The following FLG variants were observed in gnomAD, a reference collection of about 807,000 sequenced individuals.
FLG encodes the protein filaggrin, also known as epidermal filaggrin.
FLG carries 6 observed loss-of-function variants against 3.8 expected under a neutral mutation model. The observed-to-expected ratio is 1.60, with a 90% CI of 0.87 to 3.15. FLG has a LOEUF of 3.15. Ranked by LOEUF, FLG falls within the 30% of genes most tolerant of loss-of-function variation. The pLI, the probability that FLG is intolerant of heterozygous loss-of-function variation, is 0.00. For missense variants in FLG, 7,595 were observed against 5,050.9 expected, an observed-to-expected ratio of 1.50 and a Z score of -15.27; for synonymous variants, 2,551 against 1,931.6, an observed-to-expected ratio of 1.32 and a Z score of -8.41.
chr1:152,314,521 CTGTTTTCTT>C lies in FLG; in HGVS notation c.356_364del (p.Lys119_Asn121del), dbSNP rs773056944. The C allele has an allele frequency of 3.1e-6, 5 of 1,613,152 alleles. No individual in the cohort carries two copies. The South Asian group carries it at 3.3e-5, about 11-fold the overall frequency. On this transcript the variant is annotated inframe_deletion, in exon 3 of 3. Transcript: ENST00000368799. ...TCTTTCCAGACTTGAGGGTCTTTTT[CTGTTTTCTT>C]TGTTTTCTTCCTGTTTATTATCTTC...
Position 152,311,551 on chromosome 1 carries a change from C to T in FLG, c.3335G>A (p.Gly1112Glu), listed in dbSNP as rs761658353. 1 of 1,613,920 alleles carries T rather than the reference C, an allele frequency of 6.2e-7. No individual in the cohort carries two copies. The highest frequency in any genetic ancestry group is 8.5e-7 in the Non-Finnish European group (1 of 1,179,994). The change falls in exon 3 of 3, where the codon GGA becomes GAA. Residue 1112 changes from glycine to glutamate, a missense_variant. By Grantham distance (98) the Gly-to-Glu change is moderately conservative. Transcript: ENST00000368799. ...SARDWSGGRSGRSGSFIYQVS... is the reference protein window; with the variant it reads ...SARDWSGGRSERSGSFIYQVS... Reference sequence around the variant, plus strand: ...CTGGTAGATGAAAGACCCTGAACGTCCAGACCTTCCCCCTGACCAGTCACG... The same window carrying T: ...CTGGTAGATGAAAGACCCTGAACGTTCAGACCTTCCCCCTGACCAGTCACG...
chr1:152,311,498 C>A lies in FLG; in HGVS notation c.3388G>T (p.Ala1130Ser). 2 of 1,613,614 alleles carry A rather than the reference C, an allele frequency of 1.2e-6. No individual in the cohort carries two copies. Among genetic ancestry groups the A allele is most frequent in the Non-Finnish European group, 1.7e-6 (2 of 1,179,778 alleles). Residue 1130 changes from alanine to serine, a missense_variant, in exon 3 of 3, where the codon GCC becomes TCC. Transcript: ENST00000368799. ...GTGCTGGTCCTGGTCCGCCCATGGG[C>A]AGACTCAGACTGTTCATGAGTGCTC... The part of the protein sequence containing the change: ...QVSTHEQSES[A>S]HGRTRTSTGR...
rs1328967475 is a variant in FLG, at chr1:152,303,289, T to C, written c.11597A>G (p.Asp3866Gly). ...SRRQGSSVSQ[D>G]SDSEAYPEDS... ...CTCTGGGTATGCCTCACTGTCACTG[T>C]CCTGGCTAACACTGGATCCCTGGCG... Residue 3866 changes from aspartate (D) to glycine (G), a missense_variant, in exon 3 of 3, where the codon GAC (aspartate) becomes GGC (glycine). By Grantham distance (94) the Asp-to-Gly change is moderately conservative. Coordinates refer to ENST00000368799, the MANE Select transcript of FLG (RefSeq NM_002016.2). 5.0e-6 allele frequency: 8 copies of C among 1,613,944 alleles called. No individual in the cohort carries two copies. Among genetic ancestry groups the C allele is most frequent in the South Asian group, 4.4e-5 (4 of 91,068 alleles).
In FLG at chr1:152,303,270, G is replaced by T. The variant is rs140349291; in HGVS notation, c.11616C>A (p.Tyr3872Ter). 6.2e-7 allele frequency: 1 copy of T among 1,613,980 alleles called. No individual in the cohort carries two copies. The highest frequency in any genetic ancestry group is 1.3e-5 in the African/African-American group (1 of 74,896). The change falls in exon 3 of 3, where the codon TAC (tyrosine) becomes TAA (stop). Residue 3872 changes from tyrosine (Y) to a stop codon, truncating the protein, a stop_gained. Coordinates refer to ENST00000368799, the MANE Select transcript of FLG (RefSeq NM_002016.2). LOFTEE classifies it low-confidence loss of function (END_TRUNC). Reference sequence around the variant, plus strand: ...CAGATCGCCTCTCAGAGTCCTCTGGGTATGCCTCACTGTCACTGTCCTGGC... The same window carrying T: ...CAGATCGCCTCTCAGAGTCCTCTGGTTATGCCTCACTGTCACTGTCCTGGC... ...SVSQDSDSEA[Y>*]PEDSERRSES...
intron 1 of FLG, among the ~76,000 whole-genome samples, chr1:152,320,949 A>G (rs553256054): frequency 1.7e-4 from 26 of 151,156 alleles, no homozygotes; most frequent in African/African-American, 5.5e-4. Flanking sequence ...ATAAATTACA[A>G]TGCAAAATTA....
rs5018225 is a variant in FLG at position 152,308,302 on chromosome 1, T to A, written c.6584A>T (p.Asp2195Val). 15 of 1,613,614 alleles carry A rather than the reference T, an allele frequency of 9.3e-6. 1 individual carries two copies. The highest frequency in any genetic ancestry group is 1.2e-5 in the Non-Finnish European group (14 of 1,179,688). The change falls in exon 3 of 3, where the codon GAC becomes GTC. Residue 2195 changes from aspartate to valine, a missense_variant. Physicochemically the swap from Asp to Val is radical, Grantham distance 152. Coordinates refer to ENST00000368799, the MANE Select transcript of FLG (RefSeq NM_002016.2). ...AGAGCCATCTCCTGATTGTTCCTTG[T>A]CATATGTTTTTCTGCTTGCACTTCT... ...GSRSASRKTY[D>V]KEQSGDGSRH... is the part of the protein sequence containing the mutation.
Position 152,307,994 on chromosome 1 carries a change from T to C in FLG, c.6892A>G (p.Ser2298Gly), listed in dbSNP as rs375943660. 242 of 1,613,958 alleles carry C rather than the reference T, an allele frequency of 1.5e-4. No homozygotes were observed. The highest frequency in any genetic ancestry group is 2.0e-4 in the Non-Finnish European group (233 of 1,180,020). ...DRAGHGHSAE[S>G]SRQSGTHHAE... ...TGATGAGTGCCTGATTGTCTGGAGC[T>C]CTCTGCAGAGTGCCCATGACCGGCT... Residue 2298 changes from serine to glycine, a missense_variant, in exon 3 of 3, where the codon AGC (serine) becomes GGC (glycine). Physicochemically the swap from Ser to Gly is moderately conservative, Grantham distance 56. Coordinates refer to ENST00000368799, the MANE Select transcript of FLG (RefSeq NM_002016.2).
Position 152,309,831 on chromosome 1 carries a change from G to T in FLG, c.5055C>A (p.His1685Gln). ...CTGTGGAGCTGTCTGCTGACTGCTG[G>T]TGGCGGGATCCATGTCTTTCTCCTG... ...SSPGERHGSRHQQSADSSTDS... is the reference protein window; with the variant it reads ...SSPGERHGSRQQQSADSSTDS... The change falls in exon 3 of 3, where the codon CAC (histidine) becomes CAA (glutamine). Residue 1685 changes from histidine to glutamine, a missense_variant. Transcript: ENST00000368799. 4.3e-6 allele frequency: 7 copies of T among 1,614,044 alleles called. No individual in the cohort carries two copies. The highest frequency in any genetic ancestry group is 1.1e-5 in the South Asian group (1 of 91,076).
chr1:152,313,098 G>A lies in FLG; in HGVS notation c.1788C>T (p.Asp596=), dbSNP rs1162628455. 13 of 1,613,898 alleles carry A rather than the reference G, an allele frequency of 8.1e-6. No homozygotes were observed. Among genetic ancestry groups the A allele is most frequent in the Non-Finnish European group, 1.0e-5 (12 of 1,179,990 alleles). ...GGCCCACCTGTGAGTGTCTAGAGCT[G>A]TCAGCCTGAGAGGAAGCTTCATGAT... The part of the protein sequence containing the change: ...SRHHEASSQA[D]SSRHSQVGQG... The change falls in exon 3 of 3, where the codon GAC becomes GAT. Residue 596 remains aspartate, a synonymous_variant. Transcript: ENST00000368799.
rs763988476 is a variant in FLG, at chr1:152,312,107, G to T, written c.2779C>A (p.Gln927Lys). ...SSHADISRHS[Q>K]AGQGQSEGSR... ...CCCTCTGATTGTCCCTGGCCTGCCT[G>T]TGAGTGTCTAGAGATGTCGGCATGA... The change falls in exon 3 of 3, where the codon CAG becomes AAG. Residue 927 changes from glutamine (Q) to lysine (K), a missense_variant. Physicochemically the swap from Gln to Lys is moderately conservative, Grantham distance 53 (BLOSUM62 1). Transcript: ENST00000368799. The T allele has an allele frequency of 6.2e-7, 1 of 1,613,984 alleles. No individual in the cohort carries two copies. The highest frequency in any genetic ancestry group is 1.3e-5 in the African/African-American group (1 of 74,902).
In FLG at chr1:152,308,356, G is replaced by T; in HGVS notation, c.6530C>A (p.Ser2177Tyr). 2 of 1,613,624 alleles carry T rather than the reference G, an allele frequency of 1.2e-6. No homozygotes were observed. The highest frequency in any genetic ancestry group is 1.7e-6 in the Non-Finnish European group (2 of 1,179,836). The change falls in exon 3 of 3, where the codon TCT (serine) becomes TAT (tyrosine). Residue 2177 changes from serine (S) to tyrosine (Y), a missense_variant. Physicochemically the swap from Ser to Tyr is moderately radical, Grantham distance 144 (BLOSUM62 -2). Transcript: ENST00000368799. ...HHSHTTSQGRSDASRGQSGSR... is the reference protein window; with the variant it reads ...HHSHTTSQGRYDASRGQSGSR... ...TCCTGACTGCCCACGGGAGGCATCAGACCTTCCCTGGGATGTGGTGTGGCT... is the reference window on the plus strand; with the variant it reads ...TCCTGACTGCCCACGGGAGGCATCATACCTTCCCTGGGATGTGGTGTGGCT...
Position 152,313,592 on chromosome 1 carries a change from A to T in FLG, c.1294T>A (p.Ser432Thr), listed in dbSNP as rs902439076. 6.2e-6 allele frequency: 10 copies of T among 1,613,632 alleles called. No homozygotes were observed. The Admixed American group carries it at 6.7e-5, about 11-fold the overall frequency. ...TGGCCTGACACTGATTGTGTGTCTG[A>T]GTTTTCTGAATGTCCCTCACTGTCA... is the stretch of plus-strand genomic sequence containing the variant. The part of the protein sequence containing the change: ...ASDSEGHSEN[S>T]DTQSVSGHGK... Residue 432 changes from serine (S) to threonine (T), a missense_variant, in exon 3 of 3, where the codon TCA becomes ACA. Coordinates refer to ENST00000368799, the MANE Select transcript of FLG (RefSeq NM_002016.2).
rs1343055121 is a variant in FLG at position 152,302,879 on chromosome 1, A to C, written c.12007T>G (p.Ser4003Ala). Residue 4003 changes from serine to alanine, a missense_variant, in exon 3 of 3, where the codon TCC becomes GCC. By Grantham distance (99) the Ser-to-Ala change is moderately conservative. Transcript: ENST00000368799. ...CTTTCCTTGAAAACAACAGGATTGG[A>C]ATTGTAACTAACACTTCCGTGCTGA... ...HSQHGSVSYN[S>A]NPVVFKERSD... 6.2e-7 allele frequency: 1 copy of C among 1,614,168 alleles called. No individual in the cohort carries two copies. Among genetic ancestry groups the C allele is most frequent in the Non-Finnish European group, 8.5e-7 (1 of 1,180,030 alleles).
In FLG at chr1:152,310,771, C is replaced by A. The variant is rs377623637; in HGVS notation, c.4115G>T (p.Gly1372Val). 6.2e-7 allele frequency: 1 copy of A among 1,613,846 alleles called. No homozygotes were observed. Among genetic ancestry groups the A allele is most frequent in the African/African-American group, 1.3e-5 (1 of 74,920 alleles). ...AGATGAAGCTTGTCTGTGCCCAATG[C>A]CTGAGTGTCTGGAGCTGTCTGCTGA... ...QQSADSSRHS[G>V]IGHRQASSAV... The change falls in exon 3 of 3, where the codon GGC becomes GTC. Residue 1372 changes from glycine (G) to valine (V), a missense_variant. Gly to Val is a moderately radical substitution (Grantham distance 109). Transcript: ENST00000368799.
chr1:152,309,467 G>C lies in FLG; in HGVS notation c.5419C>G (p.Gln1807Glu). 6.2e-7 allele frequency: 1 copy of C among 1,613,416 alleles called. No individual in the cohort carries two copies. Among genetic ancestry groups the C allele is most frequent in the Non-Finnish European group, 8.5e-7 (1 of 1,179,942 alleles). The change falls in exon 3 of 3, where the codon CAA (glutamine) becomes GAA (glutamate). Residue 1807 changes from glutamine (Q) to glutamate (E), a missense_variant. Physicochemically the swap from Gln to Glu is conservative, Grantham distance 29. Transcript: ENST00000368799. ...ARDSSRHSAS[Q>E]EGQDTIRGHP... The stretch of plus-strand genomic sequence containing the variant: ...CCACGAATGGTGTCCTGACCCTCTT[G>C]GGACGCTGAGTGCCTGGAGCTGTCT...
rs1652109088 is a variant in FLG at position 152,308,128 on chromosome 1, G to C, written c.6758C>G (p.Ser2253Ter). Residue 2253 changes from serine to a stop codon, truncating the protein, a stop_gained, in exon 3 of 3, where the codon TCA becomes TGA. Transcript: ENST00000368799. LOFTEE classifies it low-confidence loss of function (END_TRUNC). ...CCCAGACCGCCTCTCAGAATCTTCT[G>C]AGTGTCCCTCACTGTCACTGTCCTG... ...VSQDSDSEGH[S>*]EDSERRSGSA... The C allele has an allele frequency of 6.2e-7, 1 of 1,613,908 alleles. No homozygotes were observed. The highest frequency in any genetic ancestry group is 8.5e-7 in the Non-Finnish European group (1 of 1,180,024).
In FLG at chr1:152,310,609, G is replaced by T. The variant is rs1187429623; in HGVS notation, c.4277C>A (p.Ser1426Tyr). The T allele has an allele frequency of 1.2e-6, 2 of 1,614,010 alleles. No individual in the cohort carries two copies. Residue 1426 changes from serine to tyrosine, a missense_variant, in exon 3 of 3, where the codon TCC (serine) becomes TAC (tyrosine). By Grantham distance (144) the Ser-to-Tyr change is moderately radical. Coordinates refer to ENST00000368799, the MANE Select transcript of FLG (RefSeq NM_002016.2). ...GCTTTCCCCTGACTGGCCACGTGCG[G>T]ACTCTTTGTGGCTCTGCTGATGGGG... ...AGPHQQSHKE[S>Y]ARGQSGESSG...
Position 152,303,676 on chromosome 1 carries a change from G to A in FLG, c.11210C>T (p.Ser3737Phe). The change falls in exon 3 of 3, where the codon TCC becomes TTC. Residue 3737 changes from serine to phenylalanine, a missense_variant. Coordinates refer to ENST00000368799, the MANE Select transcript of FLG (RefSeq NM_002016.2). ...AGPSTGGRQG[S>F]RHEQARDSSR... ...GCTGTCTCGTGCCTGCTCGTGGCGG[G>A]ATCCTTGTCTTCCTCCAGTACTGGG... The A allele has an allele frequency of 6.2e-7, 1 of 1,614,016 alleles. No homozygotes were observed.
In FLG at chr1:152,307,541, T is replaced by A. The variant is rs779398838; in HGVS notation, c.7345A>T (p.Ser2449Cys). 2 of 1,613,802 alleles carry A rather than the reference T, an allele frequency of 1.2e-6. No individual in the cohort carries two copies. The highest frequency in any genetic ancestry group is 1.7e-6 in the Non-Finnish European group (2 of 1,179,952). The change falls in exon 3 of 3, where the codon AGC becomes TGC. Residue 2449 changes from serine (S) to cysteine (C), a missense_variant. By Grantham distance (112) the Ser-to-Cys change is moderately radical. Transcript: ENST00000368799. Reference sequence around the variant, plus strand: ...TCTTGGGACGTTGAGTGCCTGGAGCTGTCTCGTGCCTGCTTGTGGTGGGAT... The same window carrying A: ...TCTTGGGACGTTGAGTGCCTGGAGCAGTCTCGTGCCTGCTTGTGGTGGGAT... ...QGSHHKQARD[S>C]SRHSTSQEGQ...
Sources: gnomAD v4.1 joint callset for allele counts (sites outside exome capture counted in the v4.1 genomes callset) on GRCh38, gnomAD v4.1.1 for gene constraint, MANE v1.5 for transcripts, NCBI Gene and HGNC (gene_info 2026-07-23, HGNC 2026-07-21) for gene names.